PPP1R12A: variants seen among roughly 807,000 people sequenced by gnomAD.
The protein encoded by PPP1R12A is myosin binding subunit.
A neutral mutation model predicts 139.6 loss-of-function variants in PPP1R12A; 19 were observed. That is an observed-to-expected ratio of 0.14 (90% CI 0.09 to 0.20). PPP1R12A has a LOEUF of 0.20. Among genes scored for constraint, PPP1R12A ranks in the 10% least tolerant of loss-of-function variants. The pLI is 1.00. For missense variants in PPP1R12A, 925 were observed against 1,211.5 expected, an observed-to-expected ratio of 0.76 and a Z score of 3.51; for synonymous variants, 427 against 420.6, an observed-to-expected ratio of 1.02 and a Z score of -0.19.
At chr12:79,835,751 C>A (rs927658372) in intron 3 of PPP1R12A, among the ~76,000 whole-genome samples, 7 of 152,166 alleles carry the variant, frequency 4.6e-5, no homozygotes, top group African/African-American at 1.4e-4. Flanking sequence ...GACTTGGTCT[C>A]AGTGCATTTT....
chr12:79,891,203 A>G (rs1395572549), intron 1 of PPP1R12A, among the ~76,000 whole-genome samples: 2 of 152,216 alleles, frequency 1.3e-5, no homozygotes, highest in African/African-American at 4.8e-5. Context: ...TTAAGAATAT[A>G]TAATTCTGGA....
At chr12:79,814,716 G>A (rs927962692) in intron 9 of PPP1R12A, among the ~76,000 whole-genome samples, 2 of 146,786 alleles carry the variant, frequency 1.4e-5, no homozygotes, top group Admixed American at 7.0e-5. Flanking sequence ...TCGGGAGGCT[G>A]AGGCAGGAGA....
intron 9 of PPP1R12A, among the ~76,000 whole-genome samples, chr12:79,814,476 C>CAAA (rs35276065): frequency 1.8e-4 from 12 of 68,068 alleles, no homozygotes; most frequent in Non-Finnish European, 2.1e-4. Context: ...GACTCCATCT[C>CAAA]AAAAAAAAAA....
chr12:79,832,530 A>G (rs779825478), intron 3 of PPP1R12A, 39 bp from the exon 4 acceptor site: 1 of 1,537,276 alleles, frequency 6.5e-7, no homozygotes, highest in South Asian at 1.3e-5. Context: ...TTTTGCTTAA[A>G]AATTGTTCCA....
chr12:79,782,462 CTTT>C, intron 22 of PPP1R12A: 2 of 386,894 alleles, frequency 5.2e-6, no homozygotes, highest in South Asian at 3.8e-5. Context: ...GAGCTCAGGC[CTTT>C]CATTTTTTCC....
intron 1 of PPP1R12A, among the ~76,000 whole-genome samples, chr12:79,922,175 T>C (rs1233331110): frequency 6.6e-6 from 1 of 151,952 alleles, no homozygotes; most frequent in Non-Finnish European, 1.5e-5. Context: ...GGTGGGAGAA[T>C]CACTAAGGCC....
Position 79,832,397 on chromosome 12 carries a change from C to T in PPP1R12A, c.582G>A (p.Arg194=). ...GTGCTGTACCTCCAGATTTTGCATG[C>T]CGGACATCATTTATATGACCACTAT... ...WLNSGHINDV[R]HAKSGGTALH... The change falls in exon 4 of 25, where the codon CGG becomes CGA. Residue 194 remains arginine, a synonymous_variant. Coordinates refer to ENST00000450142, the MANE Select transcript of PPP1R12A (RefSeq NM_002480.3). 6.2e-7 allele frequency: 1 copy of T among 1,613,568 alleles called. No individual in the cohort carries two copies. Among genetic ancestry groups the T allele is most frequent in the Non-Finnish European group, 8.5e-7 (1 of 1,179,660 alleles).
At chr12:79,859,990 C>T (rs1043646711) in intron 2 of PPP1R12A, among the ~76,000 whole-genome samples, 1 of 152,136 alleles carries the variant, frequency 6.6e-6, no homozygotes, top group Admixed American at 6.5e-5. Flanking sequence ...TAAAATCACT[C>T]TAAACAAGAA....
rs779384061 is a variant in PPP1R12A at position 79,805,659 on chromosome 12, T to C, written c.1933A>G (p.Thr645Ala). ...GCAGTAGTTGTAGTCAGGGTTGTGG[T>C]AGAAGCTGCAGCATTTACAACAGTT... ...APTVVNAAAS[T>A]TTLTTTTAGT... Residue 645 changes from threonine (T) to alanine (A), a missense_variant, in exon 14 of 25, where the codon ACC becomes GCC. By Grantham distance (58) the Thr-to-Ala change is moderately conservative. Around this residue, in one of 4 missense-constraint regions of PPP1R12A, gnomAD observed 403 missense variants for 463.7 expected, o/e 0.87. Transcript: ENST00000450142. The C allele has an allele frequency of 3.4e-5, 55 of 1,613,658 alleles. No homozygotes were observed. The highest frequency in any genetic ancestry group is 4.4e-5 in the Non-Finnish European group (52 of 1,179,818).
At chr12:79,903,757 T>A (rs979122016) in intron 1 of PPP1R12A, among the ~76,000 whole-genome samples, 1 of 152,166 alleles carries the variant, frequency 6.6e-6, no homozygotes, top group Non-Finnish European at 1.5e-5. Flanking sequence ...TACAATTAAT[T>A]ATTTGAGAAA....
At position 79,796,932 on chromosome 12, in the gene PPP1R12A, G is replaced by A; in HGVS notation, c.2311C>T (p.Pro771Ser). The A allele has an allele frequency of 6.2e-7, 1 of 1,610,024 alleles. No homozygotes were observed. Among genetic ancestry groups the A allele is most frequent in the South Asian group, 1.1e-5 (1 of 90,030 alleles). The change falls in exon 17 of 25, where the codon CCA becomes TCA. Residue 771 changes from proline (P) to serine (S), a missense_variant. By Grantham distance (74) the Pro-to-Ser change is moderately conservative. Transcript: ENST00000450142. ...TYDETYQRYRPVSTSSSTTPS... is the reference protein window; with the variant it reads ...TYDETYQRYRSVSTSSSTTPS... ...GTGGTTGAACTTGAAGTTGATACTG[G>A]CCTATAACGCTGGTAAGTCTGTGAA...
chr12:79,797,046 C>T, intron 16 of PPP1R12A, 96 bp from the exon 17 acceptor site: 3 of 1,397,502 alleles, frequency 2.1e-6, no homozygotes, highest in Non-Finnish European at 2.9e-6. Flanking sequence ...AAGTAGTATA[C>T]TAATCACGCC....
At chr12:79,931,982 T>G (rs181166511) in intron 1 of PPP1R12A, among the ~76,000 whole-genome samples, 33 of 152,328 alleles carry the variant, frequency 2.2e-4, no homozygotes, top group African/African-American at 6.7e-4. Context: ...TATAAGCTCT[T>G]TAAAGTAAAA....
chr12:79,875,362 G>A (rs1351893416), intron 1 of PPP1R12A, among the ~76,000 whole-genome samples: 1 of 152,170 alleles, frequency 6.6e-6, no homozygotes, highest in Non-Finnish European at 1.5e-5. Context: ...GGGAAGGTGG[G>A]ATGAAATCCA....
chr12:79,812,391 C>CGTGCGTGT (rs1555202885), intron 9 of PPP1R12A, among the ~76,000 whole-genome samples: 226 of 134,610 alleles, frequency 1.7e-3, no homozygotes, highest in African/African-American at 6.2e-3. Context: ...TCTGTGTGTG[C>CGTGCGTGT]GTGTGTGTGT....
At chr12:79,827,592 G>T (rs1229129412) in intron 5 of PPP1R12A, among the ~76,000 whole-genome samples, 1 of 152,130 alleles carries the variant, frequency 6.6e-6, no homozygotes, top group Non-Finnish European at 1.5e-5. Context: ...ACTGGCTATT[G>T]ACTGATAGTG....
chr12:79,925,103 C>T (rs998008170), intron 1 of PPP1R12A, among the ~76,000 whole-genome samples: 18 of 152,256 alleles, frequency 1.2e-4, no homozygotes, highest in African/African-American at 4.3e-4. Context: ...AAAAAATGTT[C>T]TGGAGCTGAA....
In PPP1R12A at chr12:79,914,265, G is replaced by A. The variant is rs138166023; in HGVS notation, c.237+20430C>T. Among the ~76,000 whole-genome samples the A allele has an allele frequency of 8.7e-3, 1,323 of 151,998 alleles. 22 individuals carry two copies. Among genetic ancestry groups the A allele is most frequent in the African/African-American group, 0.031 (1,272 of 41,492 alleles). The stretch of plus-strand genomic sequence containing the variant: ...AAATGGTATTTTATTGCAGTCATGT[G>A]CATTCACATGAAGTTGTAAGAAGTA... On this transcript the variant is annotated intron_variant, in intron 1 of 24. Transcript: ENST00000450142.
At chr12:79,812,856 C>A (rs1226652281) in intron 9 of PPP1R12A, among the ~76,000 whole-genome samples, 1 of 152,128 alleles carries the variant, frequency 6.6e-6, no homozygotes, top group Non-Finnish European at 1.5e-5. Context: ...TTATGTTAGA[C>A]CTTCTCTGTC....
Sources: allele counts gnomAD v4.1 joint callset (sites outside exome capture counted in the v4.1 genomes callset), GRCh38; gene constraint gnomAD v4.1.1; regional missense constraint gnomAD v4.1.1; transcripts MANE v1.5; gene names NCBI Gene and HGNC (gene_info 2026-07-23, HGNC 2026-07-21).